HTT: variants seen among roughly 807,000 people sequenced by gnomAD.
HTT encodes the protein huntingtin, also known as huntington disease protein.
In HTT, 104 loss-of-function variants were observed where a neutral mutation model predicts 362.3. The observed-to-expected ratio is 0.29, with a 90% confidence interval of 0.24 to 0.34. HTT has a LOEUF of 0.34. HTT is among the 10% of genes least tolerant of loss of function. HTT has a pLI of 1.00. For missense variants in HTT, 3,301 were observed against 3,928.6 expected, an observed-to-expected ratio of 0.84 and a Z score of 4.27; for synonymous variants, 1,577 against 1,548.7, an observed-to-expected ratio of 1.02 and a Z score of -0.43.
intron 29 of HTT, among the ~76,000 whole-genome samples, chr4:3,162,587 C>T (rs554239527): frequency 1.3e-5 from 2 of 152,234 alleles, no homozygotes; most frequent in South Asian, 4.1e-4. Flanking sequence ...TGTTTGTGTC[C>T]TCTCTTATTT....
intron 30 of HTT, among the ~76,000 whole-genome samples, 195 bp from the exon 31 acceptor site, chr4:3,172,713 A>T (rs974271710): frequency 2.6e-5 from 4 of 152,178 alleles, no homozygotes; most frequent in Non-Finnish European, 4.4e-5. Flanking sequence ...GAAACCCAAA[A>T]CGCCTATTTA....
intron 36 of HTT, among the ~76,000 whole-genome samples, chr4:3,181,812 G>T (rs950703267): frequency 6.6e-6 from 1 of 152,156 alleles, no homozygotes; most frequent in African/African-American, 2.4e-5. Flanking sequence ...TCATGGAGAG[G>T]AGTTCATCAG....
At chr4:3,202,219 C>A (rs1427717137) in intron 41 of HTT, among the ~76,000 whole-genome samples, 1 of 152,162 alleles carries the variant, frequency 6.6e-6, no homozygotes, top group African/African-American at 2.4e-5. Flanking sequence ...TGTTCTGAGT[C>A]ACCCTAGATT....
Position 3,242,427 on chromosome 4 carries a change from T to TACAC in HTT, c.*2375_*2378dup, listed in dbSNP as rs369266342. On this transcript the variant is annotated 3_prime_UTR_variant, in exon 67 of 67. Coordinates refer to ENST00000355072, the MANE Select transcript of HTT (RefSeq NM_001388492.1). Reference sequence around the variant, plus strand: ...GTGCATATAGACACATCTATAATTTTACACACACACCTCTCAAGACGGAGA... The same window carrying TACAC: ...GTGCATATAGACACATCTATAATTTTACACACACACACACCTCTCAAGACGGAGA... The TACAC allele has an allele frequency of 6.6e-6, 1 of 152,238 alleles. No individual in the cohort carries two copies. Among genetic ancestry groups the TACAC allele is most frequent in the African/African-American group, 2.4e-5 (1 of 41,470 alleles). The allele number at this position is 152,238 out of a possible 1,614,324, so 9.4% of individuals were successfully genotyped here.
intron 52 of HTT, 133 bp from the exon 53 acceptor site, chr4:3,220,049 A>T: frequency 1.1e-6 from 1 of 912,618 alleles, no homozygotes; most frequent in Non-Finnish European, 1.7e-6. Flanking sequence ...CTGGGGGAGA[A>T]GGTGCCAGCT....
intron 32 of HTT, 32 bp downstream of exon 32, chr4:3,174,831 A>G: frequency 6.2e-7 from 1 of 1,602,748 alleles, no homozygotes. Context: ...ATGTGAACTC[A>G]GGCGTGTCAG....
intron 52 of HTT, among the ~76,000 whole-genome samples, chr4:3,219,292 A>T (rs1047662358): frequency 2.6e-4 from 39 of 152,286 alleles, no homozygotes; most frequent in African/African-American, 8.2e-4. Context: ...CGTGGAGACC[A>T]TGCAGGAGGG....
intron 1 of HTT, among the ~76,000 whole-genome samples, chr4:3,075,647 C>CGGGGGGGGGCGGGGGGGG (rs1560535774): frequency 1.6e-5 from 1 of 61,682 alleles, no homozygotes; most frequent in Non-Finnish European, 2.9e-5. Context: ...AGTGGCGGGG[C>CGGGGGGGGGCGGGGGGGG]AGGGGGGGGG....
At chr4:3,235,243 G>A (rs779089616) in intron 61 of HTT, 41 bp from the exon 62 acceptor site, 1 of 1,365,820 alleles carries the variant, frequency 7.3e-7, no homozygotes, top group Non-Finnish European at 1.0e-6. Flanking sequence ...CTCCACGTTG[G>A]ATGGGGGTGG....
At chr4:3,175,431 T>C (rs1480164482) in intron 33 of HTT, among the ~76,000 whole-genome samples, 1 of 152,252 alleles carries the variant, frequency 6.6e-6, no homozygotes, top group Non-Finnish European at 1.5e-5. Context: ...TTAAGATTTA[T>C]TGTTTGGGGA....
At chr4:3,214,156 G>A (rs374327813) in intron 50 of HTT, 21 bp downstream of exon 50, 44 of 1,447,900 alleles carry the variant, frequency 3.0e-5, no homozygotes, top group Non-Finnish European at 3.6e-5. Context: ...GTCCATGAAC[G>A]GTGGGTTCCT....
chr4:3,152,223 C>T (rs1344626928), intron 26 of HTT, among the ~76,000 whole-genome samples: 2 of 151,940 alleles, frequency 1.3e-5, no homozygotes, highest in African/African-American at 2.4e-5. Flanking sequence ...CTCAGCCTCC[C>T]GAGTAGTTGG....
chr4:3,132,073 C>A lies in HTT; in HGVS notation c.2236+298C>A, dbSNP rs180883785. On this transcript the variant is annotated intron_variant, in intron 16 of 66. Coordinates refer to ENST00000355072, the MANE Select transcript of HTT (RefSeq NM_001388492.1). The stretch of plus-strand genomic sequence containing the variant: ...GTGCCTGGTCGCAGTGGCGCTGAGT[C>A]GCACTCAGCCAGGCCAGGCATTCAC... Among the ~76,000 whole-genome samples the A allele has an allele frequency of 1.6e-3, 239 of 152,306 alleles. 1 individual carries two copies. The highest frequency in any genetic ancestry group is 5.5e-3 in the African/African-American group (228 of 41,568).
chr4:3,121,350 A>G lies in HTT; in HGVS notation c.1191A>G (p.Ala397=). The part of the protein sequence containing the change: ...PPPELLQTLT[A]VGGIGQLTAA... The stretch of plus-strand genomic sequence containing the variant: ...CCGAGCTTCTGCAAACCCTGACCGC[A>G]GTCGGGGGCATTGGGCAGCTCACCG... The change falls in exon 9 of 67, where the codon GCA becomes GCG. Residue 397 remains alanine (A), a synonymous_variant. Coordinates refer to ENST00000355072, the MANE Select transcript of HTT (RefSeq NM_001388492.1). The G allele has an allele frequency of 6.2e-7, 1 of 1,614,034 alleles. No individual in the cohort carries two copies. The highest frequency in any genetic ancestry group is 8.5e-7 in the Non-Finnish European group (1 of 1,179,912).
rs1716631509 is a variant in HTT, at chr4:3,146,951, A to G, written c.3295+3A>G. 1.2e-6 allele frequency: 2 copies of G among 1,613,942 alleles called. No individual in the cohort carries two copies. The highest frequency in any genetic ancestry group is 1.7e-6 in the Non-Finnish European group (2 of 1,179,948). On this transcript the variant is annotated splice_donor_region_variant and intron_variant, in intron 25 of 66. Transcript: ENST00000355072. ...TTTGGCCGGAAACTTGCTTGCAGGT[A>G]CTGGTACTGAGTTGAAACAGGGACT...
At chr4:3,141,809 T>G (rs1438458246) in intron 22 of HTT, among the ~76,000 whole-genome samples, 2 of 152,158 alleles carry the variant, frequency 1.3e-5, no homozygotes, top group East Asian at 3.9e-4. Flanking sequence ...GACATTTTTT[T>G]GGCCACCTTA....
At chr4:3,238,274 A>G (rs961205376) in intron 64 of HTT, among the ~76,000 whole-genome samples, 173 bp from the exon 65 acceptor site, 2 of 152,236 alleles carry the variant, frequency 1.3e-5, no homozygotes, top group Non-Finnish European at 2.9e-5. Flanking sequence ...TTCGTACTCC[A>G]GTTGCTTAGG....
At chr4:3,115,213 G>T (rs533236485) in intron 6 of HTT, 91 bp from the exon 7 acceptor site, 22 of 1,313,000 alleles carry the variant, frequency 1.7e-5, no homozygotes, top group Non-Finnish European at 2.3e-5. Context: ...GCAAGAATTG[G>T]AAACTTCTAA....
At chr4:3,127,917 TC>T (rs1019528113) in intron 12 of HTT, among the ~76,000 whole-genome samples, 1 of 151,454 alleles carries the variant, frequency 6.6e-6, no homozygotes, top group Non-Finnish European at 1.5e-5. Context: ...TGAGCCGAGA[TC>T]GTGACACTGC....
Sources: allele counts gnomAD v4.1 joint callset (sites outside exome capture counted in the v4.1 genomes callset), GRCh38; gene constraint gnomAD v4.1.1; transcripts MANE v1.5; gene names NCBI Gene and HGNC (gene_info 2026-07-23, HGNC 2026-07-21).